Variants in DLGAP1 observed in about 807,000 individuals in gnomAD.
The protein encoded by DLGAP1 is DLG associated protein 1.
In DLGAP1, 11 loss-of-function variants were observed where a neutral mutation model predicts 90.8. The ratio of observed to expected loss-of-function variants is 0.12; its 90% CI spans 0.08 to 0.20. The LOEUF (loss-of-function observed/expected upper bound fraction) is 0.20. Among genes scored for constraint, DLGAP1 ranks in the 10% least tolerant of loss-of-function variants. The probability of loss-of-function intolerance (pLI) is 1.00; values close to 1 mark genes in which losing one functional copy is unlikely to be tolerated. For synonymous variants in DLGAP1, 558 were observed against 540.7 expected (o/e 1.03, Z -0.44); for missense variants, 1,050 against 1,333.8 (o/e 0.79, Z 3.31).
At chr18:4,047,952 T>C (rs546501484) in intron 2 of DLGAP1, among the ~76,000 whole-genome samples, 4 of 152,260 alleles carry the variant, frequency 2.6e-5, no homozygotes, top group African/African-American at 9.6e-5. Context: ...CATGCTACCA[T>C]GCCCAGCGAA....
At chr18:3,830,685 T>TA (rs1313063710) in intron 4 of DLGAP1, among the ~76,000 whole-genome samples, 10 of 152,278 alleles carry the variant, frequency 6.6e-5, no homozygotes, top group Admixed American at 3.9e-4. Flanking sequence ...GAGCTAACCT[T>TA]AAAAAAATCA....
chr18:3,695,472 T>C (rs1394657059), intron 7 of DLGAP1, among the ~76,000 whole-genome samples: 1 of 152,210 alleles, frequency 6.6e-6, no homozygotes, highest in Non-Finnish European at 1.5e-5. Context: ...CCTTTCCCCA[T>C]TGCTTGTTTT....
At chr18:3,916,196 C>T (rs966250842) in intron 3 of DLGAP1, among the ~76,000 whole-genome samples, 12 of 152,170 alleles carry the variant, frequency 7.9e-5, no homozygotes, top group African/African-American at 2.7e-4. Context: ...AGGACAGGGA[C>T]GCTGCTTCAG....
chr18:4,258,256 C>T (rs1253247707), intron 1 of DLGAP1, among the ~76,000 whole-genome samples: 1 of 151,716 alleles, frequency 6.6e-6, no homozygotes, highest in Non-Finnish European at 1.5e-5. Flanking sequence ...GTTGCTCAGG[C>T]TGGTCTCGAA....
At chr18:4,284,453 C>T (rs1292249198) in intron 1 of DLGAP1, among the ~76,000 whole-genome samples, 1 of 152,110 alleles carries the variant, frequency 6.6e-6, no homozygotes, top group East Asian at 1.9e-4. Context: ...AGTTCGAGTA[C>T]CAAGGCTAAA....
At chr18:4,352,970 T>TC (rs1042835408) in intron 1 of DLGAP1, among the ~76,000 whole-genome samples, 3 of 152,076 alleles carry the variant, frequency 2.0e-5, no homozygotes, top group African/African-American at 7.2e-5. Context: ...TGGTCCTCAC[T>TC]CCCGAAAAGT....
chr18:3,527,332 G>C (rs1307379252), intron 10 of DLGAP1, among the ~76,000 whole-genome samples: 1 of 149,218 alleles, frequency 6.7e-6, no homozygotes, highest in African/African-American at 2.5e-5. Flanking sequence ...CTCTCTAATA[G>C]AGAAAGATGA....
intron 7 of DLGAP1, among the ~76,000 whole-genome samples, chr18:3,648,941 G>A (rs773251473): frequency 6.6e-6 from 1 of 152,150 alleles, no homozygotes; most frequent in Non-Finnish European, 1.5e-5. Context: ...TGTCTTCTGG[G>A]TTATGCTAAT....
intron 1 of DLGAP1, among the ~76,000 whole-genome samples, chr18:4,366,161 T>C (rs192445748): frequency 4.6e-5 from 7 of 152,240 alleles, no homozygotes; most frequent in Admixed American, 4.6e-4. Context: ...AAAATTTCAA[T>C]ATAAAATGGA....
intron 5 of DLGAP1, among the ~76,000 whole-genome samples, chr18:3,780,181 G>T (rs1019227152): frequency 1.3e-5 from 2 of 152,056 alleles, no homozygotes; most frequent in Non-Finnish European, 2.9e-5. Flanking sequence ...TAACTGGCAT[G>T]GGTAAAAAAT....
chr18:4,363,702 T>G (rs1255582412), intron 1 of DLGAP1, among the ~76,000 whole-genome samples: 1 of 152,104 alleles, frequency 6.6e-6, no homozygotes, highest in Non-Finnish European at 1.5e-5. Context: ...AAAACCACAA[T>G]GAGATACCAT....
chr18:4,095,660 G>A (rs993710279), intron 2 of DLGAP1, among the ~76,000 whole-genome samples: 1 of 151,940 alleles, frequency 6.6e-6, no homozygotes, highest in Non-Finnish European at 1.5e-5. Flanking sequence ...GGCCCTGGAG[G>A]GGCTGCATCA....
At chr18:4,442,905 C>T (rs749598328) in intron 1 of DLGAP1, among the ~76,000 whole-genome samples, 71 of 152,240 alleles carry the variant, frequency 4.7e-4, no homozygotes, top group Non-Finnish European at 7.4e-4. Flanking sequence ...TGTTCTTGCT[C>T]GGGGCTGAAC....
At chr18:3,736,947 C>A (rs1300325781) in intron 6 of DLGAP1, among the ~76,000 whole-genome samples, 3 of 149,266 alleles carry the variant, frequency 2.0e-5, no homozygotes, top group African/African-American at 7.4e-5. Flanking sequence ...ATATCACCAC[C>A]GATCCCACAG....
At chr18:3,699,600 A>C (rs1290185732) in intron 7 of DLGAP1, among the ~76,000 whole-genome samples, 1 of 152,144 alleles carries the variant, frequency 6.6e-6, no homozygotes, top group Non-Finnish European at 1.5e-5. Flanking sequence ...TCTCCCAGTC[A>C]GGAGGCATGG....
chr18:3,874,222 C>A (rs749996096), intron 4 of DLGAP1: 6 of 1,549,922 alleles, frequency 3.9e-6, no homozygotes, highest in South Asian at 1.2e-5. Flanking sequence ...TTAAAAAGGT[C>A]GATCATTTTG....
At chr18:3,803,462 C>T (rs1286659407) in intron 5 of DLGAP1, among the ~76,000 whole-genome samples, 1 of 152,180 alleles carries the variant, frequency 6.6e-6, no homozygotes, top group Non-Finnish European at 1.5e-5. Context: ...GAATCTGGCA[C>T]AGGAATGATG....
chr18:4,338,939 A>G (rs547996273), intron 1 of DLGAP1, among the ~76,000 whole-genome samples: 1 of 152,346 alleles, frequency 6.6e-6, no homozygotes, highest in Non-Finnish European at 1.5e-5. Flanking sequence ...CCTTGAAAAT[A>G]ACTTATTATA....
chr18:3,597,110 G>C lies in DLGAP1; in HGVS notation c.1592-14862C>G, dbSNP rs572734199. 8.1e-5 allele frequency: 42 copies of C among 518,278 alleles called. 1 individual carries two copies. In the East Asian group the frequency reaches 2.0e-3, roughly 24 times the overall value. The allele number at this position is 518,278 out of a possible 1,614,324, so 32.1% of individuals were successfully genotyped here. ...GTTACTCTTTTTTTTTTCACTCTCA[G>C]CCCACACAAAACTAGGAACTTTGTT... On this transcript the variant is annotated intron_variant, in intron 7 of 12. Transcript: ENST00000315677.
Sources: allele counts gnomAD v4.1 joint callset (sites outside exome capture counted in the v4.1 genomes callset), GRCh38; gene constraint gnomAD v4.1.1; transcripts MANE v1.5; gene names NCBI Gene and HGNC (gene_info 2026-07-23, HGNC 2026-07-21).